Variants in HGF observed in about 807,000 individuals in gnomAD.
HGF encodes fibroblast-derived tumor cytotoxic factor.
HGF carries 39 observed loss-of-function variants against 111.6 expected under a neutral mutation model. That is an observed-to-expected ratio of 0.35 (90% confidence interval 0.27 to 0.46). The LOEUF (loss-of-function observed/expected upper bound fraction) is 0.46, where lower values mean the gene tolerates loss of function less well. Among genes scored for constraint, HGF ranks in the 20% least tolerant of loss-of-function variants. The probability of loss-of-function intolerance (pLI) is 1.00; values close to 1 mark genes in which losing one functional copy is unlikely to be tolerated. For missense variants in HGF, 735 were observed against 910.5 expected (o/e 0.81, Z 2.48); for synonymous variants, 285 against 294.8 (o/e 0.97, Z 0.34).
In HGF at chr7:81,752,124, T is replaced by C. The variant is rs2116117542; in HGVS notation, c.621A>G (p.Ser207=). ...RYEVCDIPQC[S]EVECMTCNGE... ...ATGGCATTCAGGTTTATTTACCTTC[T>C]GAACACTGAGGAATGTCACAGACTT... The change falls in exon 5 of 18, where the codon TCA becomes TCG. Residue 207 remains serine (S), a synonymous_variant. Transcript: ENST00000222390. 1.9e-6 allele frequency: 3 copies of C among 1,613,572 alleles called. No individual in the cohort carries two copies. Among genetic ancestry groups the C allele is most frequent in the Non-Finnish European group, 2.5e-6 (3 of 1,179,554 alleles).
In HGF at chr7:81,702,685, G is replaced by A. The variant is rs1351384112; in HGVS notation, c.2083C>T (p.Arg695Cys). ...RMVLGVIVPG[R>C]GCAIPNRPGI... ...GGACGATTTGGAATGGCACATCCAC[G>A]ACCAGGAACAATGACACCAAGAACC... The change falls in exon 18 of 18, where the codon CGT becomes TGT. Residue 695 changes from arginine (R) to cysteine (C), a missense_variant. By Grantham distance (180) the Arg-to-Cys change is radical (BLOSUM62 -3). Coordinates refer to ENST00000222390, the MANE Select transcript of HGF (RefSeq NM_000601.6). The A allele has an allele frequency of 2.5e-6, 4 of 1,611,462 alleles. No homozygotes were observed. Among genetic ancestry groups the A allele is most frequent in the Non-Finnish European group, 3.4e-6 (4 of 1,178,258 alleles).
At chr7:81,731,508 A>G (rs1325071799) in intron 7 of HGF, among the ~76,000 whole-genome samples, 1 of 152,202 alleles carries the variant, frequency 6.6e-6, no homozygotes, top group Non-Finnish European at 1.5e-5. Context: ...AATGGCTTGT[A>G]TAGAAAAAGT....
intron 7 of HGF, among the ~76,000 whole-genome samples, chr7:81,737,866 T>A (rs762053661): frequency 2.0e-5 from 3 of 152,136 alleles, no homozygotes; most frequent in Non-Finnish European, 2.9e-5. Flanking sequence ...AGTATAAAGG[T>A]ATCTTCAGTC....
chr7:81,750,229 G>T (rs183097100), intron 5 of HGF, among the ~76,000 whole-genome samples: 109 of 152,098 alleles, frequency 7.2e-4, no homozygotes, highest in African/African-American at 2.2e-3. Flanking sequence ...TTAAAATCCT[G>T]CTAACACATT....
rs749210341 is a variant in HGF at position 81,762,787 on chromosome 7, C to T, written c.174G>A (p.Lys58=). Residue 58 remains lysine (K), a synonymous_variant, in exon 2 of 18, where the codon AAG becomes AAA. Transcript: ENST00000222390. ...TTLIKIDPAL[K]IKTKKVNTAD... is the part of the protein sequence containing the mutation. ...CAGTATTCACTTTTTTGGTTTTTAT[C>T]TTCAGTGCTGGATCTATTTTGATTA... 1.2e-6 allele frequency: 2 copies of T among 1,608,486 alleles called. No individual in the cohort carries two copies. The highest frequency in any genetic ancestry group is 1.7e-6 in the Non-Finnish European group (2 of 1,175,068).
intron 10 of HGF, among the ~76,000 whole-genome samples, chr7:81,717,659 C>T (rs1789749331): frequency 6.6e-6 from 1 of 151,872 alleles, no homozygotes; most frequent in East Asian, 1.9e-4. Context: ...GGTAATGATA[C>T]TTCTGTGCAT....
At chr7:81,709,166 G>C (rs547760679) in intron 13 of HGF, among the ~76,000 whole-genome samples, 2 of 152,094 alleles carry the variant, frequency 1.3e-5, no homozygotes, top group Non-Finnish European at 2.9e-5. Flanking sequence ...GAACAGGAGG[G>C]TATTCTAAAA....
At chr7:81,716,967 G>A (rs954633861) in intron 11 of HGF, among the ~76,000 whole-genome samples, 1 of 151,942 alleles carries the variant, frequency 6.6e-6, no homozygotes, top group Non-Finnish European at 1.5e-5. Context: ...TAATGCTTTC[G>A]GAATCCCAAT....
At chr7:81,705,828 C>A (rs1052165074) in intron 15 of HGF, 75 bp from the exon 16 acceptor site, 38 of 813,502 alleles carry the variant, frequency 4.7e-5, no homozygotes, top group Non-Finnish European at 6.9e-5. Flanking sequence ...ATGTAGTGTT[C>A]ATGTTTAATA....
At chr7:81,738,102 G>T (rs1333546600) in intron 7 of HGF, among the ~76,000 whole-genome samples, 1 of 152,096 alleles carries the variant, frequency 6.6e-6, no homozygotes, top group African/African-American at 2.4e-5. Context: ...GAAGGGAGAG[G>T]ATCAGGAAAA....
At chr7:81,722,586 G>A (rs1789892614) in intron 9 of HGF, among the ~76,000 whole-genome samples, 2 of 151,360 alleles carry the variant, frequency 1.3e-5, no homozygotes, top group Non-Finnish European at 1.5e-5. Flanking sequence ...GATGAGGCAG[G>A]TGGATCACTT....
intron 7 of HGF, among the ~76,000 whole-genome samples, chr7:81,735,378 G>T (rs73381154): frequency 0.083 from 12,640 of 151,936 alleles, 647 homozygotes; most frequent in African/African-American, 0.14. Context: ...CCAAGTAAAA[G>T]ATTTTTCCCT....
intron 17 of HGF, among the ~76,000 whole-genome samples, chr7:81,703,146 A>G (rs1789331052): frequency 6.6e-6 from 1 of 151,670 alleles, no homozygotes; most frequent in Non-Finnish European, 1.5e-5. Context: ...GGAAATTTGG[A>G]ACATGTAGAA....
At chr7:81,713,866 G>T (rs1440910984) in intron 11 of HGF, among the ~76,000 whole-genome samples, 8 of 151,820 alleles carry the variant, frequency 5.3e-5, no homozygotes. Context: ...ACTACTTTCA[G>T]ACTCATGTCT....
intron 1 of HGF, 133 bp from the exon 2 acceptor site, chr7:81,763,005 A>G (rs1584016068): frequency 1.6e-6 from 1 of 642,822 alleles, no homozygotes; most frequent in East Asian, 2.7e-5. Flanking sequence ...TCCAGGGGTT[A>G]GGAGCAGAGT....
At chr7:81,744,901 G>A (rs1175971257) in intron 6 of HGF, 99 bp downstream of exon 6, 32 of 1,327,834 alleles carry the variant, frequency 2.4e-5, no homozygotes, top group Non-Finnish European at 3.1e-5. Flanking sequence ...TGTCCTATCG[G>A]GAAAACATAA....
intron 9 of HGF, among the ~76,000 whole-genome samples, chr7:81,725,228 A>T (rs1024282302): frequency 2.6e-5 from 4 of 152,216 alleles, no homozygotes; most frequent in Non-Finnish European, 5.9e-5. Flanking sequence ...TGAAAGGCTG[A>T]TGCAATTTTA....
intron 3 of HGF, 128 bp downstream of exon 3, chr7:81,758,564 T>C (rs372881499): frequency 1.5e-6 from 1 of 664,078 alleles, no homozygotes; most frequent in African/African-American, 1.8e-5. Flanking sequence ...AATGGATGAA[T>C]TGACTACATA....
rs5745773 is a variant in HGF, at chr7:81,701,547, C to A, written c.*1034G>T. ...TCACAGCAGCAAGGCTTAGATTTAA[C>A]CTATTTAAGTACATTTTTAATGACC... On this transcript the variant is annotated 3_prime_UTR_variant, in exon 18 of 18. Transcript: ENST00000222390. The A allele has an allele frequency of 1.3e-5, 2 of 151,378 alleles. No homozygotes were observed. Among genetic ancestry groups the A allele is most frequent in the East Asian group, 3.9e-4 (2 of 5,158 alleles). 9.4% of individuals were successfully genotyped at this position (151,378 alleles called of 1,614,324 possible).
Sources: gnomAD v4.1 joint callset for allele counts (sites outside exome capture counted in the v4.1 genomes callset) on GRCh38, gnomAD v4.1.1 for gene constraint, MANE v1.5 for transcripts, NCBI Gene and HGNC (gene_info 2026-07-23, HGNC 2026-07-21) for gene names.